Variants in RTEL1 observed in about 807,000 individuals in gnomAD.
The protein encoded by RTEL1 is regulator of telomere length.
Under a neutral mutation model 162.2 loss-of-function variants are expected in RTEL1, and 86 were observed. That is an observed-to-expected ratio of 0.53 (90% CI 0.45 to 0.63). The LOEUF is 0.63. Among genes scored for constraint, RTEL1 ranks in the 30% least tolerant of loss-of-function variants. The pLI, the probability that RTEL1 is intolerant of heterozygous loss-of-function variation, is 0.00. For missense variants in RTEL1, 1,941 were observed against 1,750.2 expected (o/e 1.11, Z -1.95); for synonymous variants, 958 against 717.9 (o/e 1.33, Z -5.35).
At chr20:63,685,971 C>T (rs968951474) in intron 16 of RTEL1, 99 bp downstream of exon 16, 15 of 1,152,614 alleles carry the variant, frequency 1.3e-5, no homozygotes, top group Non-Finnish European at 1.9e-5. Context: ...GATCTCCTGC[C>T]CCCATGGGCC....
chr20:63,690,678 G>T lies in RTEL1; in HGVS notation c.2414-127G>T, dbSNP rs999584029. The T allele has an allele frequency of 2.7e-6, 3 of 1,125,998 alleles. No individual in the cohort carries two copies. The African/African-American group carries it at 4.7e-5, about 18-fold the overall frequency. The allele number at this position is 1,125,998 out of a possible 1,614,324, so 69.8% of individuals were successfully genotyped here. On this transcript the variant is annotated intron_variant, in intron 26 of 34. Coordinates refer to ENST00000360203, the MANE Select transcript of RTEL1 (RefSeq NM_001283009.2). ...CCCGAGGCTGAGACTCCCCCCAATA[G>T]CAGGGAGGACACCCACAGGCAGGAC...
intron 10 of RTEL1, among the ~76,000 whole-genome samples, chr20:63,674,969 G>T (rs546634623): frequency 1.4e-4 from 21 of 151,342 alleles, no homozygotes; most frequent in African/African-American, 5.1e-4. Context: ...GTGCAATGGC[G>T]CGATCTTGGC....
chr20:63,667,640 C>T (rs954992545), intron 8 of RTEL1, 87 bp downstream of exon 8: 5 of 1,106,006 alleles, frequency 4.5e-6, no homozygotes, highest in Non-Finnish European at 6.9e-6. Flanking sequence ...TTTGCTGCTT[C>T]AGGGCCTTAG....
chr20:63,660,880 G>A lies in RTEL1; in HGVS notation c.103-418G>A, dbSNP rs1355318736. On this transcript the variant is annotated intron_variant, in intron 2 of 34. Coordinates refer to ENST00000360203, the MANE Select transcript of RTEL1 (RefSeq NM_001283009.2). ...TTCCTTGAGGTGCCCTCTTGTACCC[G>A]GCTCACACCCTTCCCCTCCCCGAGT... 2.6e-5 allele frequency: 5 copies of A among 193,460 alleles called. No homozygotes were observed. The South Asian group carries it at 3.4e-4, about 13-fold the overall frequency. 12.0% of individuals were successfully genotyped at this position (193,460 alleles called of 1,614,324 possible). A position where few individuals can be genotyped will look rare whatever the true frequency, so the allele number is the denominator to read the frequency against.
intron 27 of RTEL1, 89 bp downstream of exon 27, chr20:63,691,036 A>C: frequency 7.5e-7 from 1 of 1,327,628 alleles, no homozygotes; most frequent in South Asian, 1.5e-5. Flanking sequence ...GCACCTCCCC[A>C]CACACCCCTG....
At chr20:63,680,777 C>T in intron 14 of RTEL1, 58 bp downstream of exon 14, 2 of 1,603,792 alleles carry the variant, frequency 1.2e-6, no homozygotes, top group East Asian at 2.2e-5. Context: ...CGGGTGCCTT[C>T]TCCTGCTGTA....
intron 9 of RTEL1, 127 bp from the exon 10 acceptor site, chr20:63,673,813 C>A: frequency 9.4e-7 from 1 of 1,061,446 alleles, no homozygotes; most frequent in Non-Finnish European, 1.4e-6. Flanking sequence ...TTTACAGACC[C>A]CAGGCCAAGG....
intron 14 of RTEL1, chr20:63,682,089 G>T: frequency 1.0e-6 from 1 of 985,412 alleles, no homozygotes; most frequent in Non-Finnish European, 1.2e-6. Context: ...AGCTGGCCCG[G>T]GCCTGTCCCT....
At chr20:63,680,519 A>T in intron 13 of RTEL1, 145 bp from the exon 14 acceptor site, 1 of 796,822 alleles carries the variant, frequency 1.3e-6, no homozygotes, top group Non-Finnish European at 2.0e-6. Context: ...CCCTGAATGG[A>T]TGCTGCGCTC....
chr20:63,668,068 C>T lies in RTEL1; in HGVS notation c.699+515C>T, dbSNP rs1184108223. On this transcript the variant is annotated intron_variant, in intron 8 of 34. Coordinates refer to ENST00000360203, the MANE Select transcript of RTEL1 (RefSeq NM_001283009.2). The surrounding 1 kb of genome is among the most constrained non-coding windows in gnomAD (Gnocchi z 4.3). ...TCACTCCCCTCCTCCCAGTGTGTGC[C>T]CAGCCCCACTCCCTTCCGCCCCGTG... 6.7e-6 allele frequency among the ~76,000 whole-genome samples: 1 copy of T among 150,284 alleles called. No individual in the cohort carries two copies. Among genetic ancestry groups the T allele is most frequent in the African/African-American group, 2.5e-5 (1 of 40,706 alleles).
intron 9 of RTEL1, among the ~76,000 whole-genome samples, chr20:63,673,160 G>C (rs1403390328): frequency 6.6e-6 from 1 of 152,074 alleles, no homozygotes; most frequent in Non-Finnish European, 1.5e-5. Context: ...TTGGGAGGCT[G>C]AGGTGGGCGG....
intron 16 of RTEL1, chr20:63,687,087 C>T (rs2090611513): frequency 6.5e-6 from 1 of 153,376 alleles, no homozygotes; most frequent in African/African-American, 2.4e-5. Flanking sequence ...ATCCGGCATC[C>T]AGACTCAGCC....
intron 16 of RTEL1, chr20:63,687,130 G>A (rs1234633370): frequency 1.9e-5 from 3 of 153,988 alleles, no homozygotes; most frequent in African/African-American, 4.8e-5. Flanking sequence ...GTGGCCAGTC[G>A]GTCAAGCCCT....
At chr20:63,677,011 C>A (rs6089956) in intron 10 of RTEL1, among the ~76,000 whole-genome samples, 17,908 of 152,212 alleles carry the variant, frequency 0.12, 1,362 homozygotes, top group East Asian at 0.29. Flanking sequence ...CCCATGCTCC[C>A]TCCTGAATCT....
rs1344464320 is a variant in RTEL1, at chr20:63,688,395, C to T, written c.1722+9C>T. The T allele has an allele frequency of 1.2e-6, 2 of 1,612,328 alleles. No individual in the cohort carries two copies. The highest frequency in any genetic ancestry group is 1.7e-6 in the Non-Finnish European group (2 of 1,179,750). On this transcript the variant is annotated intron_variant, in intron 20 of 34. Coordinates refer to ENST00000360203, the MANE Select transcript of RTEL1 (RefSeq NM_001283009.2). The stretch of plus-strand genomic sequence containing the variant: ...GCCTGGAGTTCTGGCGGGTGCGTCT[C>T]CCCTGTGTTCTGGGCGGGGTGGGTG...
intron 14 of RTEL1, chr20:63,681,507 C>T: frequency 1.0e-6 from 1 of 985,018 alleles, no homozygotes; most frequent in Non-Finnish European, 1.2e-6. Flanking sequence ...CAGGGCTGCC[C>T]AGCGCTATGA....
Position 63,689,580 on chromosome 20 carries a change from G to C in RTEL1, c.1957G>C (p.Asp653His), listed in dbSNP as rs1187363700. 2.5e-6 allele frequency: 4 copies of C among 1,612,280 alleles called. No individual in the cohort carries two copies. Among genetic ancestry groups the C allele is most frequent in the Non-Finnish European group, 3.4e-6 (4 of 1,179,762 alleles). The part of the protein sequence containing the change: ...VTGLPYPPRM[D>H]PRVVLKMQFL... ...GGGCCTCCCGTACCCCCCACGCATG[G>C]ACCCCCGGGTTGTCCTCAAGATGCA... The change falls in exon 23 of 35, where the codon GAC becomes CAC. Residue 653 changes from aspartate (D) to histidine (H), a missense_variant. Physicochemically the swap from Asp to His is moderately conservative, Grantham distance 81 (BLOSUM62 -1). Transcript: ENST00000360203.
intron 6 of RTEL1, chr20:63,665,307 G>A (rs1456001072): frequency 6.6e-6 from 1 of 152,616 alleles, no homozygotes; most frequent in South Asian, 2.1e-4. Context: ...AGAGGTATCT[G>A]GTTCTGTCTG....
chr20:63,688,014 C>G lies in RTEL1; in HGVS notation c.1559C>G (p.Pro520Arg). ...TGGGTGGGGGTCGTCCCCAGAGGCC[C>G]CGATGGAGCCCAGTTGAGCTCCGCG... The part of the protein sequence containing the change: ...QIWVGVVPRG[P>R]DGAQLSSAFD... Residue 520 changes from proline (P) to arginine (R), a missense_variant, in exon 18 of 35, where the codon CCC (proline) becomes CGC (arginine). Coordinates refer to ENST00000360203, the MANE Select transcript of RTEL1 (RefSeq NM_001283009.2). The G allele has an allele frequency of 6.2e-7, 1 of 1,612,786 alleles. No individual in the cohort carries two copies.
Sources: allele counts gnomAD v4.1 joint callset (sites outside exome capture counted in the v4.1 genomes callset), GRCh38; gene constraint gnomAD v4.1.1; non-coding constraint Gnocchi (gnomAD v3.1); transcripts MANE v1.5; gene names NCBI Gene and HGNC (gene_info 2026-07-23, HGNC 2026-07-21).